Variants in GABRG2 observed in about 807,000 individuals in gnomAD.
GABRG2 encodes the protein gamma-aminobutyric acid receptor subunit gamma-2.
In GABRG2, 16 loss-of-function variants were observed where a neutral mutation model predicts 56.4. That is an observed-to-expected ratio of 0.28 (90% CI 0.19 to 0.43). The LOEUF (loss-of-function observed/expected upper bound fraction) is 0.43, where lower values mean the gene tolerates loss of function less well. Ranked by LOEUF, GABRG2 falls within the 20% of genes least tolerant of loss-of-function variation. The pLI is 1.00. For missense variants in GABRG2, 327 were observed against 582.7 expected (o/e 0.56, Z 4.52); for synonymous variants, 208 against 205.5 (o/e 1.01, Z -0.10).
chr5:162,088,742 T>C (rs938169179), intron 1 of GABRG2, among the ~76,000 whole-genome samples: 1 of 152,140 alleles, frequency 6.6e-6, no homozygotes, highest in Non-Finnish European at 1.5e-5. Context: ...ATGTTTAGTT[T>C]TGGCCAACTA....
chr5:162,136,803 G>T (rs1047196530), intron 6 of GABRG2, among the ~76,000 whole-genome samples: 1 of 152,168 alleles, frequency 6.6e-6, no homozygotes, highest in African/African-American at 2.4e-5. Flanking sequence ...TTTCAAAAAT[G>T]TGCCTGTCAG....
rs151289016 is a variant in GABRG2 at position 162,082,692 on chromosome 5, A to G, written c.108-11136A>G. On this transcript the variant is annotated intron_variant, in intron 1 of 9. Transcript: ENST00000639213. ...AATGAGTGAATGAACACAAATTTCT[A>G]TAATCTGGAGTATTCATAATTCCTA... is the stretch of plus-strand genomic sequence containing the variant. Among the ~76,000 whole-genome samples the G allele has an allele frequency of 9.9e-5, 15 of 151,876 alleles. No homozygotes were observed. In the East Asian group the frequency reaches 2.9e-3, roughly 29 times the overall value.
rs779617978 is a variant in GABRG2, at chr5:162,103,881, C to T, written c.632-8C>T. Reference sequence around the variant, plus strand: ...ATTTTTAATGTGAGCTTTCCTATCTCACGGCAGATGGCTATCCACGTGAAG... The same window carrying T: ...ATTTTTAATGTGAGCTTTCCTATCTTACGGCAGATGGCTATCCACGTGAAG... On this transcript the variant is annotated splice_polypyrimidine_tract_variant and splice_region_variant and intron_variant, in intron 5 of 9. Coordinates refer to ENST00000639213, the MANE Select transcript of GABRG2 (RefSeq NM_198904.4). 3.3e-5 allele frequency: 54 copies of T among 1,613,738 alleles called. 1 individual carries two copies. In the South Asian group the frequency reaches 5.4e-4, roughly 16 times the overall value.
intron 6 of GABRG2, among the ~76,000 whole-genome samples, chr5:162,140,906 A>G (rs1016400043): frequency 2.6e-5 from 4 of 152,212 alleles, no homozygotes; most frequent in Non-Finnish European, 5.9e-5. Flanking sequence ...ATGACTTTAA[A>G]AAGAGACTTC....
intron 6 of GABRG2, among the ~76,000 whole-genome samples, chr5:162,111,738 A>G (rs149109877): frequency 3.5e-4 from 54 of 152,292 alleles, no homozygotes; most frequent in African/African-American, 1.2e-3. Context: ...GTTCAAGGAT[A>G]TTCAATGGGT....
rs1395778069 is a variant in GABRG2, at chr5:162,067,894, G to T, written c.-106G>T. ...CCCAGTGAAGGACCTACTAGAGGCA[G>T]GTGGGGGGAGCCACCATCAGATCAT... On this transcript the variant is annotated 5_prime_UTR_variant, in exon 1 of 10. The change creates a new upstream start codon in the 5' untranslated region. Coordinates refer to ENST00000639213, the MANE Select transcript of GABRG2 (RefSeq NM_198904.4). The T allele has an allele frequency of 2.5e-6, 2 of 790,372 alleles. No individual in the cohort carries two copies. Among genetic ancestry groups the T allele is most frequent in the East Asian group, 5.0e-5 (2 of 39,922 alleles). 49.0% of individuals were successfully genotyped at this position (790,372 alleles called of 1,614,324 possible). A position where few individuals can be genotyped will look rare whatever the true frequency, so the allele number is the denominator to read the frequency against.
intron 6 of GABRG2, among the ~76,000 whole-genome samples, chr5:162,104,437 G>T (rs1173272320): frequency 6.6e-6 from 1 of 152,254 alleles, no homozygotes; most frequent in African/African-American, 2.4e-5. Context: ...TCTCCATTCA[G>T]TAGTTTAATA....
chr5:162,107,796 C>A (rs1273767769), intron 6 of GABRG2, among the ~76,000 whole-genome samples: 1 of 152,112 alleles, frequency 6.6e-6, no homozygotes, highest in Non-Finnish European at 1.5e-5. Flanking sequence ...TCTCTGCCTC[C>A]CACATCTAAT....
At chr5:162,086,514 A>G (rs58125592) in intron 1 of GABRG2, among the ~76,000 whole-genome samples, 21,065 of 152,044 alleles carry the variant, frequency 0.14, 1,569 homozygotes, top group African/African-American at 0.18. Flanking sequence ...AAAAATTGAA[A>G]TAAAAACCCA....
intron 5 of GABRG2, chr5:162,103,417 C>A: frequency 6.3e-6 from 1 of 157,822 alleles, no homozygotes; most frequent in Non-Finnish European, 1.4e-5. Flanking sequence ...GTTACGTTTT[C>A]CAACTATCTT....
intron 6 of GABRG2, among the ~76,000 whole-genome samples, chr5:162,110,371 T>A (rs1316168095): frequency 6.6e-6 from 1 of 152,120 alleles, no homozygotes; most frequent in Non-Finnish European, 1.5e-5. Context: ...AAGTCTCTGC[T>A]CCTATTTATT....
intron 1 of GABRG2, among the ~76,000 whole-genome samples, chr5:162,093,481 A>G (rs1281499649): frequency 2.6e-5 from 4 of 152,120 alleles, no homozygotes; most frequent in Admixed American, 6.6e-5. Flanking sequence ...CTTAGACTAC[A>G]TATGATCCTT....
At chr5:162,142,423 C>A in intron 7 of GABRG2, 107 bp downstream of exon 7, 1 of 1,163,700 alleles carries the variant, frequency 8.6e-7, no homozygotes, top group Non-Finnish European at 1.3e-6. Context: ...CCTGCAATTG[C>A]ATAGAAATAC....
intron 1 of GABRG2, among the ~76,000 whole-genome samples, chr5:162,074,761 C>T (rs766027281): frequency 1.3e-5 from 2 of 151,846 alleles, no homozygotes; most frequent in African/African-American, 2.4e-5. Flanking sequence ...ATTTATGAAA[C>T]GAATATCATT....
Position 162,149,186 on chromosome 5 carries a change from C to T in GABRG2, c.1001C>T (p.Ala334Val), listed in dbSNP as rs1415043929. Reference sequence around the variant, plus strand: ...CTCCCCAAGGTCTCCTATGTCACAGCGATGGATCTCTTTGTATCTGTTTGT... The same window carrying T: ...CTCCCCAAGGTCTCCTATGTCACAGTGATGGATCTCTTTGTATCTGTTTGT... ...KSLPKVSYVT[A>V]MDLFVSVCFI... Residue 334 changes from alanine (A) to valine (V), a missense_variant, in exon 8 of 10, where the codon GCG becomes GTG. Transcript: ENST00000639213. The T allele has an allele frequency of 1.2e-6, 2 of 1,614,136 alleles. No homozygotes were observed. Among genetic ancestry groups the T allele is most frequent in the Non-Finnish European group, 8.5e-7 (1 of 1,180,014 alleles).
intron 1 of GABRG2, among the ~76,000 whole-genome samples, chr5:162,075,942 C>T (rs1408370091): frequency 6.6e-6 from 1 of 151,566 alleles, no homozygotes; most frequent in Non-Finnish European, 1.5e-5. Context: ...CGCTTGTGCC[C>T]AGGCATTCCA....
rs558559594 is a variant in GABRG2 at position 162,101,440 on chromosome 5, G to A, written c.631+123G>A. 36 of 755,898 alleles carry A rather than the reference G, an allele frequency of 4.8e-5. No homozygotes were observed. In the African/African-American group the frequency reaches 5.3e-4, roughly 11 times the overall value. 46.8% of individuals were successfully genotyped at this position (755,898 alleles called of 1,614,324 possible). A position where few individuals can be genotyped will look rare whatever the true frequency, so the allele number is the denominator to read the frequency against. ...TGTATTAAGTTATGTTACTGACTTC[G>A]ATGATTTTGACCATCTCTTTCATCT... On this transcript the variant is annotated intron_variant, in intron 5 of 9. Coordinates refer to ENST00000639213, the MANE Select transcript of GABRG2 (RefSeq NM_198904.4).
intron 6 of GABRG2, among the ~76,000 whole-genome samples, chr5:162,141,229 G>A (rs1764541579): frequency 6.6e-6 from 1 of 152,100 alleles, no homozygotes; most frequent in Admixed American, 6.6e-5. Context: ...AGTAGAGACG[G>A]GGTTTCACCG....
chr5:162,146,021 A>C (rs1419734111), intron 7 of GABRG2, among the ~76,000 whole-genome samples: 1 of 151,216 alleles, frequency 6.6e-6, no homozygotes, highest in Non-Finnish European at 1.5e-5. Flanking sequence ...TTGGTACCCT[A>C]TGCACATTTT....
Sources: allele counts gnomAD v4.1 joint callset (sites outside exome capture counted in the v4.1 genomes callset), GRCh38; gene constraint gnomAD v4.1.1; transcripts MANE v1.5; gene names NCBI Gene and HGNC (gene_info 2026-07-23, HGNC 2026-07-21).